The following RICTOR variants were observed in gnomAD, a reference collection of about 807,000 sequenced individuals.
RICTOR encodes the protein RPTOR independent companion of MTOR complex 2.
RICTOR carries 49 observed loss-of-function variants against 214.9 expected under a neutral mutation model. That is an observed-to-expected ratio of 0.23 (90% CI 0.18 to 0.29). The LOEUF is 0.29. Among genes scored for constraint, RICTOR ranks in the 10% least tolerant of loss-of-function variants. The probability of loss-of-function intolerance (pLI) is 1.00; values close to 1 mark genes in which losing one functional copy is unlikely to be tolerated. For synonymous variants in RICTOR, 717 were observed against 711.3 expected (o/e 1.01, Z -0.13); for missense variants, 1,625 against 2,047.0 (o/e 0.79, Z 3.98).
rs1218239999 is a variant in RICTOR at position 38,950,033 on chromosome 5, G to T, written c.3815C>A (p.Pro1272Gln). The T allele has an allele frequency of 6.2e-7, 1 of 1,613,230 alleles. No individual in the cohort carries two copies. Among genetic ancestry groups the T allele is most frequent in the Non-Finnish European group, 8.5e-7 (1 of 1,179,558 alleles). Residue 1272 changes from proline (P) to glutamine (Q), a missense_variant, in exon 31 of 38, where the codon CCA becomes CAA. Pro to Gln is a moderately conservative substitution (Grantham distance 76). This residue lies in a region of RICTOR where 1,214 missense variants were observed against 1,470.5 expected (regional missense o/e 0.83). Transcript: ENST00000357387. ...GGAGAGAGACAGATGGTTAGACTGT[G>T]GCGTCAAATAGTGGCTTGTCTTAAT... ...KTIKTSHYLT[P>Q]QSNHLSLSKS...
chr5:39,040,350 G>C (rs1399875666), intron 2 of RICTOR, among the ~76,000 whole-genome samples: 2 of 151,190 alleles, frequency 1.3e-5, no homozygotes, highest in Non-Finnish European at 2.9e-5. Flanking sequence ...ATAGCATTAG[G>C]AGATATACCT....
chr5:38,991,850 T>G lies in RICTOR; in HGVS notation c.457-775A>C, dbSNP rs76564257. On this transcript the variant is annotated intron_variant, in intron 6 of 37. Transcript: ENST00000357387. ...ATTACTGTTTAATAAATAAAGACTA[T>G]TTTGCAAATTAATTCAAAATAGCAG... 9.2e-4 allele frequency among the ~76,000 whole-genome samples: 140 copies of G among 151,474 alleles called. 2 individuals are homozygous for G. The highest frequency in any genetic ancestry group is 3.2e-3 in the African/African-American group (130 of 40,834).
chr5:38,963,168 T>A (rs1749938398), intron 16 of RICTOR, 127 bp from the exon 17 acceptor site: 2 of 621,050 alleles, frequency 3.2e-6, no homozygotes, highest in Non-Finnish European at 5.2e-6. Flanking sequence ...GTAAATTATT[T>A]CATCAAATTT....
In RICTOR at chr5:38,942,336, G is replaced by T. The variant is rs1312132770; in HGVS notation, c.5095C>A (p.Gln1699Lys). ...TCAGCAGATGTATCAACTATAGGTT[G>T]CTTTGGTGGTGTTGCCAACACAGCC... ...AEAVLATPPK[Q>K]PIVDTSAES is the part of the protein sequence containing the mutation. Residue 1699 changes from glutamine to lysine, a missense_variant, in exon 38 of 38, where the codon CAA (glutamine) becomes AAA (lysine). Transcript: ENST00000357387. 4 of 1,598,446 alleles carry T rather than the reference G, an allele frequency of 2.5e-6. No individual in the cohort carries two copies. Among genetic ancestry groups the T allele is most frequent in the Admixed American group, 3.3e-5 (2 of 59,952 alleles).
At position 39,005,078 on chromosome 5, in the gene RICTOR, G is replaced by A. The variant is rs187116387; in HGVS notation, c.196-1456C>T. ...TTATGGGCATGAGCCACAGCGCCCG[G>A]CCTCTCACTCAGACTCTTTTAAAGA... On this transcript the variant is annotated intron_variant, in intron 3 of 37. Transcript: ENST00000357387. 1.0e-3 allele frequency among the ~76,000 whole-genome samples: 158 copies of A among 151,250 alleles called. 3 individuals are homozygous for A. The East Asian group carries it at 0.029, about 28-fold the overall frequency.
At chr5:39,017,523 A>G (rs1393775281) in intron 3 of RICTOR, among the ~76,000 whole-genome samples, 1 of 152,022 alleles carries the variant, frequency 6.6e-6, no homozygotes, top group Non-Finnish European at 1.5e-5. Flanking sequence ...GTACCTAGTC[A>G]ATGTTTTTAA....
chr5:38,957,692 T>C lies in RICTOR; in HGVS notation c.2459A>G (p.Glu820Gly). The change falls in exon 25 of 38, where the codon GAA (glutamate) becomes GGA (glycine). Residue 820 changes from glutamate (E) to glycine (G), a missense_variant. Glu to Gly is a moderately conservative substitution (Grantham distance 98, BLOSUM62 -2). Transcript: ENST00000357387. ...SIPKGFSYLN[E>G]RGYVAKQLEK... ...CAATTGTTTTGCTACATAACCTCTT[T>C]CATTCAGATAGGAAAATCCTTTTGG... 1 of 1,592,976 alleles carries C rather than the reference T, an allele frequency of 6.3e-7. No individual in the cohort carries two copies. The highest frequency in any genetic ancestry group is 8.6e-7 in the Non-Finnish European group (1 of 1,165,924).
intron 11 of RICTOR, 92 bp downstream of exon 11, chr5:38,971,785 G>T: frequency 1.5e-6 from 1 of 659,348 alleles, no homozygotes. Context: ...AACTAATGAG[G>T]AAAACACATC....
At chr5:38,950,787 C>T in intron 30 of RICTOR, 67 bp from the exon 31 acceptor site, 7 of 1,346,674 alleles carry the variant, frequency 5.2e-6, no homozygotes, top group Non-Finnish European at 7.0e-6. Flanking sequence ...CTATTAGTGA[C>T]ATCACATTTC....
chr5:39,014,145 A>T (rs935880034), intron 3 of RICTOR, among the ~76,000 whole-genome samples: 8 of 152,152 alleles, frequency 5.3e-5, no homozygotes, highest in Non-Finnish European at 8.8e-5. Context: ...AGGATTGTGT[A>T]AGTACACTCT....
chr5:38,984,167 C>T (rs1489547375), intron 7 of RICTOR, among the ~76,000 whole-genome samples: 2 of 151,752 alleles, frequency 1.3e-5, no homozygotes, highest in Admixed American at 1.3e-4. Flanking sequence ...TTGTGAGTGA[C>T]TGGAAATTAA....
chr5:38,979,193 T>A (rs1418758522), intron 8 of RICTOR, among the ~76,000 whole-genome samples: 1 of 152,160 alleles, frequency 6.6e-6, no homozygotes, highest in Admixed American at 6.5e-5. Context: ...CTGTGCAGAC[T>A]AAGGTGTAGT....
chr5:38,996,968 T>C lies in RICTOR; in HGVS notation c.393-86A>G, dbSNP rs1006370213. 51 of 852,782 alleles carry C rather than the reference T, an allele frequency of 6.0e-5. No homozygotes were observed. In the South Asian group the frequency reaches 6.8e-4, roughly 11 times the overall value. The allele number at this position is 852,782 out of a possible 1,614,324, so 52.8% of individuals were successfully genotyped here. A position where few individuals can be genotyped will look rare whatever the true frequency, so the allele number is the denominator to read the frequency against. Reference sequence around the variant, plus strand: ...CAATACTGATAGATGAAACCCATTTTCACAATGTCAATATGGTATATTATT... The same window carrying C: ...CAATACTGATAGATGAAACCCATTTCCACAATGTCAATATGGTATATTATT... On this transcript the variant is annotated intron_variant, in intron 5 of 37. Coordinates refer to ENST00000357387, the MANE Select transcript of RICTOR (RefSeq NM_152756.5).
chr5:38,987,833 G>C (rs556300336), intron 7 of RICTOR, among the ~76,000 whole-genome samples: 14 of 152,050 alleles, frequency 9.2e-5, no homozygotes, highest in Non-Finnish European at 1.9e-4. Context: ...GCTTTCTCCT[G>C]TGAACATTTA....
At chr5:38,956,537 C>A (rs1014181335) in intron 25 of RICTOR, among the ~76,000 whole-genome samples, 1 of 151,940 alleles carries the variant, frequency 6.6e-6, no homozygotes, top group East Asian at 1.9e-4. Flanking sequence ...CCGTGGATAC[C>A]CTTCTTCTAA....
intron 2 of RICTOR, among the ~76,000 whole-genome samples, chr5:39,064,449 A>G (rs1561081550): frequency 6.6e-6 from 1 of 152,212 alleles, no homozygotes; most frequent in Non-Finnish European, 1.5e-5. Flanking sequence ...AACATAAAAT[A>G]TTTTCTCACC....
At chr5:38,944,126 T>C (rs1747910615) in intron 36 of RICTOR, 1 of 436,732 alleles carries the variant, frequency 2.3e-6, no homozygotes, top group Non-Finnish European at 4.4e-6. Context: ...TGTTAACATG[T>C]ATTTTAATAA....
chr5:39,046,438 A>AC (rs1757507675), intron 2 of RICTOR, among the ~76,000 whole-genome samples: 1 of 107,302 alleles, frequency 9.3e-6, no homozygotes, highest in Admixed American at 9.0e-5. Context: ...TTGAAATATT[A>AC]CTTTTTTTTT....
intron 6 of RICTOR, among the ~76,000 whole-genome samples, chr5:38,994,869 G>T (rs532083935): frequency 6.6e-6 from 1 of 152,118 alleles, no homozygotes; most frequent in Non-Finnish European, 1.5e-5. Flanking sequence ...TCTCTAAAGC[G>T]GTTATGCTCA....
Sources: gnomAD v4.1 joint callset for allele counts (sites outside exome capture counted in the v4.1 genomes callset) on GRCh38, gnomAD v4.1.1 for gene constraint, gnomAD v4.1.1 regional missense constraint, MANE v1.5 for transcripts, NCBI Gene and HGNC (gene_info 2026-07-23, HGNC 2026-07-21) for gene names.